The following DNAH10 variants were observed in gnomAD, a reference collection of about 807,000 sequenced individuals.
The protein encoded by DNAH10 is axonemal beta dynein heavy chain 10.
Under a neutral mutation model 506.6 loss-of-function variants are expected in DNAH10, and 348 were observed. That is an observed-to-expected ratio of 0.69 (90% CI 0.63 to 0.75). The LOEUF is 0.75. DNAH10 is among the 30% of genes least tolerant of loss of function. The pLI, the probability that DNAH10 is intolerant of heterozygous loss-of-function variation, is 0.00. For missense variants in DNAH10, 5,179 were observed against 5,787.1 expected (o/e 0.89, Z 3.41); for synonymous variants, 2,059 against 2,198.6 (o/e 0.94, Z 1.78).
Position 123,931,806 on chromosome 12 carries a change from C to T in DNAH10, c.13087C>T (p.Leu4363Phe). The change falls in exon 75 of 79, where the codon CTT (leucine) becomes TTT (phenylalanine). Residue 4363 changes from leucine (L) to phenylalanine (F), a missense_variant. This residue lies in a region of DNAH10 where 4,844 missense variants were observed against 5,430.5 expected (regional missense o/e 0.89). Coordinates refer to ENST00000673944, the MANE Select transcript of DNAH10 (RefSeq NM_001372106.1). ...GCAGGAACTGGAACGCTTCAACAAG[C>T]TTGTGGTCCGGATGACGAAGTCTCT... ...LLQELERFNK[L>F]VVRMTKSLAE... is the part of the protein sequence containing the mutation. 2 of 1,614,036 alleles carry T rather than the reference C, an allele frequency of 1.2e-6. No individual in the cohort carries two copies. Among genetic ancestry groups the T allele is most frequent in the Non-Finnish European group, 1.7e-6 (2 of 1,179,898 alleles).
intron 1 of DNAH10, among the ~76,000 whole-genome samples, chr12:123,766,966 T>C (rs1340413010): frequency 6.6e-6 from 1 of 150,890 alleles, no homozygotes; most frequent in Non-Finnish European, 1.5e-5. Flanking sequence ...AGTGCAGTGG[T>C]GTGATCTCGG....
In DNAH10 at chr12:123,850,818, C is replaced by T. The variant is rs1279842774; in HGVS notation, c.6103-70C>T. ...GAATCGCCACGCAGCTCGCCGCAGG[C>T]CCCCTTTCCAAGGGGCTGGCCGGCC... On this transcript the variant is annotated intron_variant, in intron 34 of 78. Coordinates refer to ENST00000673944, the MANE Select transcript of DNAH10 (RefSeq NM_001372106.1). The surrounding 1 kb of genome is among the most constrained non-coding windows in gnomAD (Gnocchi z 5.5). 8 of 1,485,994 alleles carry T rather than the reference C, an allele frequency of 5.4e-6. No homozygotes were observed. Among genetic ancestry groups the T allele is most frequent in the South Asian group, 2.6e-5 (2 of 78,200 alleles). 92.1% of individuals were successfully genotyped at this position (1,485,994 alleles called of 1,614,324 possible).
intron 37 of DNAH10, among the ~76,000 whole-genome samples, chr12:123,858,609 G>A (rs1314825655): frequency 6.6e-6 from 1 of 152,140 alleles, no homozygotes; most frequent in Admixed American, 6.5e-5. Flanking sequence ...GAGGACGAAC[G>A]TCCGCTCAGA....
chr12:123,843,454 T>G (rs1950840481), intron 30 of DNAH10, among the ~76,000 whole-genome samples: 1 of 152,256 alleles, frequency 6.6e-6, no homozygotes, highest in Non-Finnish European at 1.5e-5. Context: ...TAATCTTTGT[T>G]GTCTCTCTCC....
chr12:123,791,665 CT>C (rs1958084476), intron 11 of DNAH10, among the ~76,000 whole-genome samples: 1 of 152,126 alleles, frequency 6.6e-6, no homozygotes, highest in African/African-American at 2.4e-5. Context: ...CAGCTTCAAC[CT>C]TCTGGGCTCA....
intron 27 of DNAH10, among the ~76,000 whole-genome samples, chr12:123,835,009 T>G (rs1375206252): frequency 6.6e-6 from 1 of 152,228 alleles, no homozygotes; most frequent in Non-Finnish European, 1.5e-5. Context: ...CTTGAGTCCC[T>G]GTTTTCAATT....
At chr12:123,923,895 C>T in intron 66 of DNAH10, 28 bp downstream of exon 66, 2 of 1,482,284 alleles carry the variant, frequency 1.3e-6, no homozygotes, top group East Asian at 2.3e-5. Context: ...CTTCATTCCT[C>T]CCATCTCCTT....
At chr12:123,891,858 G>C (rs1361255715) in intron 52 of DNAH10, among the ~76,000 whole-genome samples, 2 of 152,174 alleles carry the variant, frequency 1.3e-5, no homozygotes, top group African/African-American at 2.4e-5. Context: ...AAAGTGCATG[G>C]GGGACCCTAG....
intron 36 of DNAH10, among the ~76,000 whole-genome samples, chr12:123,854,069 G>GTT (rs10648649): frequency 0.3 from 35,495 of 116,658 alleles, 5,088 homozygotes; most frequent in Non-Finnish European, 0.35. Flanking sequence ...ACACATTTGG[G>GTT]TTTTTTTTTT....
rs1323846744 is a variant in DNAH10, at chr12:123,907,040, T to C, written c.9816-2221T>C. Among the ~76,000 whole-genome samples the C allele has an allele frequency of 6.6e-6, 1 of 152,244 alleles. No individual in the cohort carries two copies. Among genetic ancestry groups the C allele is most frequent in the East Asian group, 1.9e-4 (1 of 5,198 alleles). ...TCTGTCCCCCACCCCACCCCTGCCC[T>C]GAGCAGGCACTGGGGCCCATCAGCA... On this transcript the variant is annotated intron_variant, in intron 57 of 78. Transcript: ENST00000673944. The surrounding 1 kb of genome is among the most constrained non-coding windows in gnomAD (Gnocchi z 4.4).
rs1055629832 is a variant in DNAH10, at chr12:123,877,721, C to A, written c.8200-15C>A. 3 of 1,604,600 alleles carry A rather than the reference C, an allele frequency of 1.9e-6. No homozygotes were observed. The highest frequency in any genetic ancestry group is 1.7e-6 in the Non-Finnish European group (2 of 1,175,616). ...GACATTTGTGTGTTGGGGGGGGTGT[C>A]TTTGCATTTTTCAGACGTTTCATGA... On this transcript the variant is annotated splice_polypyrimidine_tract_variant and intron_variant, in intron 47 of 78. Transcript: ENST00000673944.
chr12:123,807,803 GGAGA>G (rs1187909956), intron 18 of DNAH10, among the ~76,000 whole-genome samples: 9 of 129,590 alleles, frequency 6.9e-5, no homozygotes, highest in African/African-American at 2.3e-4. Context: ...AGGCAGAGGG[GGAGA>G]GAGAGAGAGA....
At chr12:123,929,838 G>A (rs1566121274) in intron 72 of DNAH10, 79 bp downstream of exon 72, 7 of 1,355,264 alleles carry the variant, frequency 5.2e-6, no homozygotes, top group Admixed American at 2.0e-5. Flanking sequence ...TTTCCTCTGA[G>A]CCCTCAGAAC....
chr12:123,772,772 T>G (rs1957301711), intron 3 of DNAH10, 62 bp from the exon 4 acceptor site: 1 of 1,250,466 alleles, frequency 8.0e-7, no homozygotes, highest in Admixed American at 2.1e-5. Flanking sequence ...ACTTGAATAT[T>G]AGGTTCTTTA....
Position 123,875,297 on chromosome 12 carries a change from T to A in DNAH10, c.8005T>A (p.Tyr2669Asn). 6.2e-7 allele frequency: 1 copy of A among 1,613,376 alleles called. No homozygotes were observed. The highest frequency in any genetic ancestry group is 8.5e-7 in the Non-Finnish European group (1 of 1,179,592). ...LKLLLEKGYL[Y>N]DRGKELNCKS... is the part of the protein sequence containing the mutation. ...GCTGCTGTTGGAAAAAGGCTACTTA[T>A]ATGACCGTGGGAAGGAGCTGAACTG... The change falls in exon 47 of 79, where the codon TAT becomes AAT. Residue 2669 changes from tyrosine (Y) to asparagine (N), a missense_variant. Physicochemically the swap from Tyr to Asn is moderately radical, Grantham distance 143 (BLOSUM62 -2). Coordinates refer to ENST00000673944, the MANE Select transcript of DNAH10 (RefSeq NM_001372106.1).
chr12:123,855,736 T>C (rs1467776704), intron 36 of DNAH10, among the ~76,000 whole-genome samples: 1 of 151,280 alleles, frequency 6.6e-6, no homozygotes, highest in African/African-American at 2.4e-5. Flanking sequence ...TGCTTTAGCG[T>C]AGATGGCCAT....
At chr12:123,788,061 A>G (rs1355294152) in intron 10 of DNAH10, 59 bp downstream of exon 10, 7 of 1,539,940 alleles carry the variant, frequency 4.5e-6, no homozygotes, top group Non-Finnish European at 6.1e-6. Context: ...GGCTTTTGAC[A>G]GTGGCCCCCT....
chr12:123,933,714 A>G (rs1955328421), intron 77 of DNAH10, among the ~76,000 whole-genome samples: 1 of 152,208 alleles, frequency 6.6e-6, no homozygotes, highest in African/African-American at 2.4e-5. Context: ...TTTCTCTTCC[A>G]CTTTCTCCGT....
At chr12:123,934,589 A>G in intron 77 of DNAH10, 32 bp from the exon 78 acceptor site, 1 of 1,611,084 alleles carries the variant, frequency 6.2e-7, no homozygotes, top group South Asian at 1.1e-5. Context: ...TGCATGCTCC[A>G]GTTGTATCCA....
Sources: gnomAD v4.1 joint callset for allele counts (sites outside exome capture counted in the v4.1 genomes callset) on GRCh38, gnomAD v4.1.1 for gene constraint, gnomAD v4.1.1 regional missense constraint, Gnocchi (gnomAD v3.1) non-coding constraint, MANE v1.5 for transcripts, NCBI Gene and HGNC (gene_info 2026-07-23, HGNC 2026-07-21) for gene names.